The following KIF2A variants were observed in gnomAD, a reference collection of about 807,000 sequenced individuals.
KIF2A encodes kinesin-like protein KIF2A.
Under a neutral mutation model 100.2 loss-of-function variants are expected in KIF2A, and 22 were observed. The ratio of observed to expected loss-of-function variants is 0.22; its 90% CI spans 0.16 to 0.31. The LOEUF is 0.31. Among genes scored for constraint, KIF2A ranks in the 10% least tolerant of loss-of-function variants. The probability of loss-of-function intolerance (pLI) is 1.00; values close to 1 mark genes in which losing one functional copy is unlikely to be tolerated. For missense variants in KIF2A, 495 were observed against 898.7 expected, an observed-to-expected ratio of 0.55 and a Z score of 5.74; for synonymous variants, 268 against 285.9, an observed-to-expected ratio of 0.94 and a Z score of 0.63.
chr5:62,331,980 T>G (rs1746680984), intron 1 of KIF2A, among the ~76,000 whole-genome samples: 2 of 152,226 alleles, frequency 1.3e-5, no homozygotes, highest in Admixed American at 1.3e-4. Context: ...TTAGTATTCT[T>G]GGCTGACTTA....
At position 62,358,240 on chromosome 5, in the gene KIF2A, C is replaced by G; in HGVS notation, c.813C>G (p.Asn271Lys). 2 of 1,602,974 alleles carry G rather than the reference C, an allele frequency of 1.2e-6. No individual in the cohort carries two copies. The highest frequency in any genetic ancestry group is 1.7e-6 in the Non-Finnish European group (2 of 1,176,184). ...TAGATTTAACAAGGTACCTAGAAAA[C>G]CAAACATTTCGTTTTGATTATGCCT... is the stretch of plus-strand genomic sequence containing the variant. Reference protein sequence around the residue: ...QKVDLTRYLENQTFRFDYAFD... With the variant: ...QKVDLTRYLEKQTFRFDYAFD... The change falls in exon 9 of 21, where the codon AAC becomes AAG. Residue 271 changes from asparagine (N) to lysine (K), a missense_variant. Around this residue, in one of 10 missense-constraint regions of KIF2A, gnomAD observed 109 missense variants for 244.2 expected, o/e 0.45. Coordinates refer to ENST00000407818, the MANE Select transcript of KIF2A (RefSeq NM_001098511.3).
intron 1 of KIF2A, 74 bp downstream of exon 1, chr5:62,306,610 G>A (rs1015832393): frequency 4.0e-5 from 50 of 1,249,158 alleles, no homozygotes; most frequent in Non-Finnish European, 5.2e-5. Context: ...CGCGGGCGCC[G>A]GCCGCCTCAT....
rs1372549955 is a variant in KIF2A at position 62,389,583 on chromosome 5, T to G, written c.*4014T>G. The stretch of plus-strand genomic sequence containing the variant: ...GTTGGTGCCTCTTTCATTAGAGCCT[T>G]TATGTCGTAATGAATTTGACTAAAA... On this transcript the variant is annotated 3_prime_UTR_variant, in exon 21 of 21. Transcript: ENST00000407818. Among the ~76,000 whole-genome samples, 1 of 152,120 alleles carries G rather than the reference T, an allele frequency of 6.6e-6. No individual in the cohort carries two copies. Among genetic ancestry groups the G allele is most frequent in the African/African-American group, 2.4e-5 (1 of 41,424 alleles).
At chr5:62,351,340 G>A (rs559062690) in intron 4 of KIF2A, among the ~76,000 whole-genome samples, 8 of 152,084 alleles carry the variant, frequency 5.3e-5, no homozygotes, top group Non-Finnish European at 1.0e-4. Flanking sequence ...TTGCAAATTC[G>A]AGAAGAATAT....
chr5:62,353,511 G>T, intron 6 of KIF2A, 136 bp downstream of exon 6: 1 of 471,942 alleles, frequency 2.1e-6, no homozygotes. Flanking sequence ...TTGATATTGA[G>T]GAATAATATA....
Position 62,385,650 on chromosome 5 carries a change from G to A in KIF2A, c.*81G>A. ...GTTCAGCTGTAAGGGCCATTTGAAA[G>A]TTTGGAATTTTAAGTGTCTGTGGAA... On this transcript the variant is annotated 3_prime_UTR_variant, in exon 21 of 21. Transcript: ENST00000407818. The A allele has an allele frequency of 1.0e-6, 1 of 972,550 alleles. No individual in the cohort carries two copies. Among genetic ancestry groups the A allele is most frequent in the Non-Finnish European group, 1.6e-6 (1 of 639,624 alleles). 60.2% of individuals were successfully genotyped at this position (972,550 alleles called of 1,614,324 possible). A position where few individuals can be genotyped will look rare whatever the true frequency, so the allele number is the denominator to read the frequency against.
Position 62,360,664 on chromosome 5 carries a change from G to C in KIF2A, c.873-578G>C, listed in dbSNP as rs1748360841. 2.6e-5 allele frequency among the ~76,000 whole-genome samples: 4 copies of C among 152,120 alleles called. No individual in the cohort carries two copies. The South Asian group carries it at 8.3e-4, about 32-fold the overall frequency. On this transcript the variant is annotated intron_variant, in intron 9 of 20. Coordinates refer to ENST00000407818, the MANE Select transcript of KIF2A (RefSeq NM_001098511.3). ...CGCGCCATTTGCACTCCAGCCTGGG[G>C]GACGAGAACGAGACTTCGTCTCAAA...
intron 8 of KIF2A, 94 bp downstream of exon 8, chr5:62,357,839 T>G (rs369031984): frequency 2.4e-6 from 2 of 821,134 alleles, no homozygotes; most frequent in Non-Finnish European, 4.0e-6. Context: ...GGAAAAAATG[T>G]AAATCATTTC....
intron 18 of KIF2A, among the ~76,000 whole-genome samples, chr5:62,374,843 C>T (rs908533048): frequency 1.4e-4 from 22 of 152,112 alleles, no homozygotes; most frequent in African/African-American, 4.6e-4. Context: ...ATGAAAATCG[C>T]TTGAAACTGG....
intron 1 of KIF2A, among the ~76,000 whole-genome samples, chr5:62,340,905 T>C (rs1271458475): frequency 6.6e-6 from 1 of 152,140 alleles, no homozygotes; most frequent in Non-Finnish European, 1.5e-5. Flanking sequence ...TTTAAAGTCA[T>C]ATTGGGTAAA....
chr5:62,348,297 A>T, intron 3 of KIF2A, 130 bp downstream of exon 3: 1 of 785,398 alleles, frequency 1.3e-6, no homozygotes, highest in South Asian at 1.9e-5. Context: ...TTCTGCCATC[A>T]TATTCATATA....
At position 62,386,871 on chromosome 5, in the gene KIF2A, A is replaced by G. The variant is rs1742054797; in HGVS notation, c.*1302A>G. 6.6e-6 allele frequency among the ~76,000 whole-genome samples: 1 copy of G among 152,230 alleles called. No homozygotes were observed. Among genetic ancestry groups the G allele is most frequent in the Admixed American group, 6.5e-5 (1 of 15,284 alleles). ...ACTTTTCATGTAAATATTTTGTTCA[A>G]AGATTTGTATATCTCTCTAGGAGTT... On this transcript the variant is annotated 3_prime_UTR_variant, in exon 21 of 21. Coordinates refer to ENST00000407818, the MANE Select transcript of KIF2A (RefSeq NM_001098511.3).
intron 7 of KIF2A, among the ~76,000 whole-genome samples, chr5:62,356,609 A>G (rs1401643305): frequency 6.6e-6 from 1 of 152,186 alleles, no homozygotes; most frequent in Non-Finnish European, 1.5e-5. Context: ...AAGAATTGGC[A>G]TATTTATAAA....
chr5:62,363,610 G>A (rs1740918801), intron 13 of KIF2A, 85 bp from the exon 14 acceptor site: 1 of 1,205,224 alleles, frequency 8.3e-7, no homozygotes, highest in Non-Finnish European at 1.2e-6. Flanking sequence ...TGTTTTTGCT[G>A]CTGTTGTTTT....
At chr5:62,358,113 A>G (rs1022678110) in intron 8 of KIF2A, 24 bp from the exon 9 acceptor site, 21 of 1,499,572 alleles carry the variant, frequency 1.4e-5, no homozygotes, top group Non-Finnish European at 1.9e-5. Flanking sequence ...ATTATTGGGC[A>G]TTGATTTTCA....
Position 62,385,532 on chromosome 5 carries a change from G to C in KIF2A, c.2198G>C (p.Ser733Thr). ...RAALQEEEQASKQINPKRPRA... is the reference protein window; with the variant it reads ...RAALQEEEQATKQINPKRPRA... ...GCTCTACAAGAGGAGGAACAAGCCA[G>C]CAAGCAAATCAACCCGAAGAGACCC... Residue 733 changes from serine to threonine, a missense_variant, in exon 21 of 21, where the codon AGC (serine) becomes ACC (threonine). Ser to Thr is a moderately conservative substitution (Grantham distance 58). Transcript: ENST00000407818. The C allele has an allele frequency of 6.3e-7, 1 of 1,596,068 alleles. No individual in the cohort carries two copies. Among genetic ancestry groups the C allele is most frequent in the South Asian group, 1.1e-5 (1 of 88,058 alleles).
At chr5:62,381,298 G>A (rs1741761680) in intron 20 of KIF2A, 45 bp downstream of exon 20, 2 of 1,551,238 alleles carry the variant, frequency 1.3e-6, no homozygotes, top group African/African-American at 1.4e-5. Context: ...ATTGGTATTG[G>A]TATGTATATT....
At chr5:62,351,808 C>T (rs567503520) in intron 4 of KIF2A, among the ~76,000 whole-genome samples, 1 of 150,920 alleles carries the variant, frequency 6.6e-6, no homozygotes, top group Non-Finnish European at 1.5e-5. Flanking sequence ...TAAGTTTTTA[C>T]TCTCTGTATA....
chr5:62,390,507 T>C lies in KIF2A; in HGVS notation c.*4938T>C, dbSNP rs1742252095. 6.6e-6 allele frequency among the ~76,000 whole-genome samples: 1 copy of C among 152,192 alleles called. No individual in the cohort carries two copies. Among genetic ancestry groups the C allele is most frequent in the Non-Finnish European group, 1.5e-5 (1 of 68,032 alleles). ...AAAAATCAGATCCAGTTACATGTAT[T>C]ATGATTTTTCTACCTTATGGACTAT... is the stretch of plus-strand genomic sequence containing the variant. On this transcript the variant is annotated 3_prime_UTR_variant, in exon 21 of 21. Transcript: ENST00000407818.
Sources: allele counts gnomAD v4.1 joint callset (sites outside exome capture counted in the v4.1 genomes callset), GRCh38; gene constraint gnomAD v4.1.1; regional missense constraint gnomAD v4.1.1; transcripts MANE v1.5; gene names NCBI Gene and HGNC (gene_info 2026-07-23, HGNC 2026-07-21).